Variants in ZNF423 observed in about 807,000 individuals in gnomAD.
The protein encoded by ZNF423 is Ebf-associated zinc finger protein.
A neutral mutation model predicts 95.8 loss-of-function variants in ZNF423; 12 were observed. That is an observed-to-expected ratio of 0.13 (90% CI 0.08 to 0.20). ZNF423 has a LOEUF of 0.20. Ranked by LOEUF, ZNF423 falls within the 10% of genes least tolerant of loss-of-function variation. The pLI is 1.00. For synonymous variants in ZNF423, 749 were observed against 711.9 expected (o/e 1.05, Z -0.83); for missense variants, 1,316 against 1,737.1 (o/e 0.76, Z 4.31).
intron 5 of ZNF423, among the ~76,000 whole-genome samples, chr16:49,606,135 T>C (rs1442082256): frequency 1.3e-5 from 2 of 151,540 alleles, no homozygotes; most frequent in Non-Finnish European, 2.9e-5. Flanking sequence ...GTAAACAGAG[T>C]GAAAGCTGCA....
intron 5 of ZNF423, among the ~76,000 whole-genome samples, chr16:49,596,268 G>A (rs1359329325): frequency 6.6e-6 from 1 of 152,160 alleles, no homozygotes; most frequent in Admixed American, 6.5e-5. Context: ...AAAGGAGCAC[G>A]GGCTTTGAAA....
intron 1 of ZNF423, among the ~76,000 whole-genome samples, chr16:49,792,822 C>T (rs905781617): frequency 6.6e-6 from 1 of 152,122 alleles, no homozygotes; most frequent in African/African-American, 2.4e-5. Context: ...TGCAGTGGTG[C>T]GATCATAGCT....
intron 2 of ZNF423, among the ~76,000 whole-genome samples, chr16:49,758,226 C>G (rs1174208997): frequency 6.6e-6 from 1 of 152,178 alleles, no homozygotes; most frequent in Non-Finnish European, 1.5e-5. Flanking sequence ...ACAACCTCCG[C>G]CTCCTGGGTT....
chr16:49,794,490 A>C (rs1019108766), intron 1 of ZNF423, among the ~76,000 whole-genome samples: 1 of 152,180 alleles, frequency 6.6e-6, no homozygotes, highest in African/African-American at 2.4e-5. Context: ...TGTTTCAGCC[A>C]TACGGCCCCC....
intron 3 of ZNF423, among the ~76,000 whole-genome samples, chr16:49,724,997 C>G (rs1433472367): frequency 2.0e-5 from 3 of 152,204 alleles, no homozygotes; most frequent in African/African-American, 7.2e-5. Flanking sequence ...AATCTGTGTT[C>G]TCAAGCACAG....
At chr16:49,508,308 G>A (rs1309767436) in intron 7 of ZNF423, among the ~76,000 whole-genome samples, 1 of 151,984 alleles carries the variant, frequency 6.6e-6, no homozygotes, top group Non-Finnish European at 1.5e-5. Context: ...ATTGCTTGAG[G>A]CCAGGAGTTC....
chr16:49,580,213 CCT>C (rs1970627587), intron 5 of ZNF423, among the ~76,000 whole-genome samples: 1 of 152,130 alleles, frequency 6.6e-6, no homozygotes, highest in South Asian at 2.1e-4. Flanking sequence ...GCTCTGCTGG[CCT>C]CTCTCACGTC....
intron 7 of ZNF423, among the ~76,000 whole-genome samples, chr16:49,497,275 C>A (rs1157081358): frequency 7.4e-6 from 1 of 136,012 alleles, no homozygotes. Context: ...CACAGATGTT[C>A]ACTGAGTTCC....
intron 1 of ZNF423, among the ~76,000 whole-genome samples, chr16:49,790,541 G>A (rs750994570): frequency 6.6e-6 from 1 of 152,218 alleles, no homozygotes; most frequent in African/African-American, 2.4e-5. Flanking sequence ...TGTTGACCGG[G>A]GTACAAAGGA....
intron 1 of ZNF423, among the ~76,000 whole-genome samples, chr16:49,815,915 T>TATATATATATATATA (rs1491270483): frequency 3.3e-4 from 7 of 21,470 alleles, no homozygotes; most frequent in Admixed American, 7.8e-4. Flanking sequence ...TATATATATA[T>TATATATATATATATA]TTTTTTTTTT....
intron 1 of ZNF423, among the ~76,000 whole-genome samples, chr16:49,811,243 G>A (rs1177360597): frequency 1.3e-5 from 2 of 152,178 alleles, no homozygotes; most frequent in Non-Finnish European, 2.9e-5. Flanking sequence ...GTCTGCTTGG[G>A]GGTAGTGAGG....
At chr16:49,797,726 C>A (rs908501616) in intron 1 of ZNF423, among the ~76,000 whole-genome samples, 2 of 152,222 alleles carry the variant, frequency 1.3e-5, no homozygotes, top group Non-Finnish European at 2.9e-5. Context: ...CGTGATTCAC[C>A]CTGACCACTT....
At chr16:49,511,670 G>A (rs936424359) in intron 7 of ZNF423, among the ~76,000 whole-genome samples, 1 of 152,176 alleles carries the variant, frequency 6.6e-6, no homozygotes, top group African/African-American at 2.4e-5. Context: ...GTCCACCCCA[G>A]ACTTCTCCCA....
In ZNF423 at chr16:49,491,323, G is replaced by C; in HGVS notation, c.3850-19C>G. Reference sequence around the variant, plus strand: ...TGTGGTTCTGCAAAGGCGAAGAAAGGAGACACACATGAAGGAGAAGAATGG... The same window carrying C: ...TGTGGTTCTGCAAAGGCGAAGAAAGCAGACACACATGAAGGAGAAGAATGG... On this transcript the variant is annotated intron_variant, in intron 7 of 7. Coordinates refer to ENST00000563137, the MANE Select transcript of ZNF423 (RefSeq NM_001379286.1). 2 of 1,613,948 alleles carry C rather than the reference G, an allele frequency of 1.2e-6. No homozygotes were observed. The highest frequency in any genetic ancestry group is 1.7e-6 in the Non-Finnish European group (2 of 1,180,036).
Position 49,848,762 on chromosome 16 carries a change from T to C in ZNF423, c.40+6973A>G, listed in dbSNP as rs138652554. Among the ~76,000 whole-genome samples the C allele has an allele frequency of 1.1e-3, 164 of 152,294 alleles. 1 individual carries two copies. The East Asian group carries it at 0.026, about 24-fold the overall frequency. ...GCTCTTGTCTGGTGGTTCATAATAA[T>C]AACTTCGGGGGCCCACAATTAGTGT... On this transcript the variant is annotated intron_variant, in intron 1 of 7. Coordinates refer to ENST00000563137, the MANE Select transcript of ZNF423 (RefSeq NM_001379286.1).
At chr16:49,686,381 C>T (rs1426383628) in intron 3 of ZNF423, among the ~76,000 whole-genome samples, 2 of 152,172 alleles carry the variant, frequency 1.3e-5, no homozygotes, top group Non-Finnish European at 2.9e-5. Context: ...CATGCTGGGG[C>T]AGGAGGGGAC....
intron 3 of ZNF423, among the ~76,000 whole-genome samples, chr16:49,706,794 G>A (rs551592426): frequency 5.1e-4 from 77 of 152,216 alleles, no homozygotes; most frequent in Non-Finnish European, 8.8e-4. Flanking sequence ...CCCAGAAACA[G>A]AAGAGAAAGT....
At chr16:49,840,249 G>A (rs191065422) in intron 1 of ZNF423, among the ~76,000 whole-genome samples, 15 of 152,200 alleles carry the variant, frequency 9.9e-5, no homozygotes, top group East Asian at 5.8e-4. Context: ...CCGAGAAGCC[G>A]TGAAGTTTTT....
chr16:49,783,352 G>C (rs2034246724), intron 2 of ZNF423, among the ~76,000 whole-genome samples: 1 of 149,802 alleles, frequency 6.7e-6, no homozygotes, highest in Admixed American at 6.6e-5. Context: ...ATTACAGTTA[G>C]GGTTAGGGTT....
Sources: allele counts gnomAD v4.1 joint callset (sites outside exome capture counted in the v4.1 genomes callset), GRCh38; gene constraint gnomAD v4.1.1; transcripts MANE v1.5; gene names NCBI Gene and HGNC (gene_info 2026-07-23, HGNC 2026-07-21).